The following ROBO1 variants were observed in gnomAD, a reference collection of about 807,000 sequenced individuals.
ROBO1 encodes the protein roundabout homolog 1.
ROBO1 carries 149 observed loss-of-function variants against 195.9 expected under a neutral mutation model. The observed-to-expected ratio is 0.76, with a 90% CI of 0.67 to 0.87. The LOEUF is 0.87. ROBO1 is among the 40% of genes least tolerant of loss of function. The pLI is 0.00. For synonymous variants in ROBO1, 816 were observed against 733.2 expected (o/e 1.11, Z -1.82); for missense variants, 1,933 against 2,068.3 (o/e 0.93, Z 1.27).
At chr3:79,365,320 A>G (rs1245660003) in intron 2 of ROBO1, among the ~76,000 whole-genome samples, 1 of 152,126 alleles carries the variant, frequency 6.6e-6, no homozygotes, top group Non-Finnish European at 1.5e-5. Context: ...CCACCTGCAC[A>G]TCCGTACCAA....
intron 3 of ROBO1, among the ~76,000 whole-genome samples, chr3:78,984,689 GC>G (rs1206192459): frequency 7.2e-5 from 11 of 152,282 alleles, no homozygotes; most frequent in Admixed American, 2.6e-4. Flanking sequence ...GGAAAAATGG[GC>G]CATTCGGACA....
chr3:79,474,701 A>G (rs1223838275), intron 2 of ROBO1, among the ~76,000 whole-genome samples: 1 of 152,160 alleles, frequency 6.6e-6, no homozygotes, highest in Non-Finnish European at 1.5e-5. Context: ...AATTTGTGGT[A>G]CAAATAAGTT....
chr3:79,621,238 T>C, intron 1 of ROBO1, among the ~76,000 whole-genome samples: 1 of 152,144 alleles, frequency 6.6e-6, no homozygotes, highest in Non-Finnish European at 1.5e-5. Flanking sequence ...TCTTTCCTTG[T>C]GAGCCCTGCC....
intron 1 of ROBO1, among the ~76,000 whole-genome samples, chr3:79,600,543 T>C (rs899473674): frequency 1.3e-5 from 2 of 151,964 alleles, no homozygotes; most frequent in African/African-American, 2.4e-5. Context: ...AAACGAAGTA[T>C]ACAGCAAATA....
At chr3:78,947,571 G>T (rs1364553644) in intron 3 of ROBO1, among the ~76,000 whole-genome samples, 2 of 152,092 alleles carry the variant, frequency 1.3e-5, no homozygotes, top group Non-Finnish European at 2.9e-5. Context: ...AGGAAAAGTA[G>T]GAAAGATCTA....
intron 28 of ROBO1, among the ~76,000 whole-genome samples, chr3:78,607,958 G>A (rs1485430693): frequency 1.3e-5 from 2 of 151,728 alleles, no homozygotes; most frequent in Non-Finnish European, 2.9e-5. Context: ...TCACCATTGT[G>A]TTTACGTACC....
At chr3:78,611,218 A>G (rs183009176) in intron 28 of ROBO1, among the ~76,000 whole-genome samples, 5 of 152,338 alleles carry the variant, frequency 3.3e-5, no homozygotes, top group Admixed American at 1.3e-4. Context: ...AAGTCCTCAG[A>G]CCTTGTAATT....
intron 3 of ROBO1, among the ~76,000 whole-genome samples, chr3:79,077,614 C>T (rs914570153): frequency 5.9e-5 from 9 of 151,808 alleles, no homozygotes; most frequent in Non-Finnish European, 1.0e-4. Flanking sequence ...TATTGTCAGG[C>T]AAGAAATAAT....
intron 4 of ROBO1, among the ~76,000 whole-genome samples, chr3:78,754,704 T>C (rs1345857654): frequency 6.6e-6 from 1 of 151,978 alleles, no homozygotes; most frequent in Non-Finnish European, 1.5e-5. Flanking sequence ...TATAGGGAGG[T>C]AGACACACAT....
intron 3 of ROBO1, among the ~76,000 whole-genome samples, chr3:79,074,236 C>T (rs913969279): frequency 1.3e-5 from 2 of 151,874 alleles, no homozygotes; most frequent in Admixed American, 6.6e-5. Flanking sequence ...TAAAGGCGCT[C>T]TCCATTGCTT....
chr3:79,061,039 T>A (rs2078907879), intron 3 of ROBO1, among the ~76,000 whole-genome samples: 1 of 152,066 alleles, frequency 6.6e-6, no homozygotes, highest in South Asian at 2.1e-4. Context: ...GGTATTTGGT[T>A]AGGAAAAGAG....
intron 4 of ROBO1, among the ~76,000 whole-genome samples, chr3:78,792,119 T>C (rs1378657873): frequency 6.6e-6 from 1 of 152,206 alleles, no homozygotes; most frequent in African/African-American, 2.4e-5. Flanking sequence ...TCATGTAGGA[T>C]GGTTTCAACT....
intron 10 of ROBO1, among the ~76,000 whole-genome samples, chr3:78,675,138 TTTTC>T (rs1242223775): frequency 6.6e-6 from 1 of 151,872 alleles, no homozygotes; most frequent in South Asian, 2.1e-4. Context: ...CTTTTTCCTT[TTTTC>T]TTTGTTTCAT....
chr3:78,662,250 A>C, intron 14 of ROBO1, 136 bp from the exon 15 acceptor site: 1 of 771,722 alleles, frequency 1.3e-6, no homozygotes, highest in Non-Finnish European at 2.0e-6. Context: ...TTCGGAAAAA[A>C]AAAAAAAAAG....
intron 4 of ROBO1, among the ~76,000 whole-genome samples, chr3:78,922,617 T>C (rs2039001441): frequency 6.7e-6 from 1 of 149,872 alleles, no homozygotes; most frequent in African/African-American, 2.5e-5. Flanking sequence ...TTTTTTTTTT[T>C]TTTTTTGACA....
intron 4 of ROBO1, among the ~76,000 whole-genome samples, chr3:78,875,563 C>G (rs1019631204): frequency 6.6e-6 from 1 of 151,962 alleles, no homozygotes; most frequent in Non-Finnish European, 1.5e-5. Context: ...AAATCAATTG[C>G]ATGCACTCGG....
intron 4 of ROBO1, among the ~76,000 whole-genome samples, chr3:78,863,460 C>T (rs2034976203): frequency 6.6e-6 from 1 of 152,078 alleles, no homozygotes; most frequent in Admixed American, 6.6e-5. Flanking sequence ...CGTGTGAATG[C>T]AGAAACCTAG....
At chr3:78,628,907 T>C (rs1704995236) in intron 25 of ROBO1, among the ~76,000 whole-genome samples, 1 of 152,218 alleles carries the variant, frequency 6.6e-6, no homozygotes, top group African/African-American at 2.4e-5. Flanking sequence ...AATCTTTTAA[T>C]TGGTCTCCTA....
intron 4 of ROBO1, among the ~76,000 whole-genome samples, chr3:78,921,061 T>C (rs1314411780): frequency 6.6e-6 from 1 of 152,112 alleles, no homozygotes; most frequent in Admixed American, 6.5e-5. Flanking sequence ...CTTCACTGAA[T>C]TGTTCTGAGG....
Sources: allele counts gnomAD v4.1 joint callset (sites outside exome capture counted in the v4.1 genomes callset), GRCh38; gene constraint gnomAD v4.1.1; transcripts MANE v1.5; gene names NCBI Gene and HGNC (gene_info 2026-07-23, HGNC 2026-07-21).